The following SLTM variants were observed in gnomAD, a reference collection of about 807,000 sequenced individuals.
SLTM encodes SAFB-like transcription modulator.
A neutral mutation model predicts 134.6 loss-of-function variants in SLTM; 43 were observed. The observed-to-expected ratio is 0.32, with a 90% CI of 0.25 to 0.41. The LOEUF (loss-of-function observed/expected upper bound fraction) is 0.41, where lower values mean the gene tolerates loss of function less well. Ranked by LOEUF, SLTM falls within the 10% of genes least tolerant of loss-of-function variation. The pLI is 1.00. For synonymous variants in SLTM, 424 were observed against 432.3 expected (o/e 0.98, Z 0.24); for missense variants, 1,055 against 1,288.8 (o/e 0.82, Z 2.78).
intron 20 of SLTM, among the ~76,000 whole-genome samples, chr15:58,880,544 CTTTG>C (rs1393298950): frequency 2.0e-5 from 3 of 151,976 alleles, no homozygotes; most frequent in African/African-American, 4.8e-5. Flanking sequence ...CTGTGCTTTT[CTTTG>C]TTTGTTCTTT....
At chr15:58,894,902 G>A (rs1024922838) in intron 9 of SLTM, among the ~76,000 whole-genome samples, 3 of 151,892 alleles carry the variant, frequency 2.0e-5, no homozygotes, top group Admixed American at 1.3e-4. Context: ...ATAGGGTTTT[G>A]CCATGTTGGC....
intron 5 of SLTM, among the ~76,000 whole-genome samples, chr15:58,903,830 G>A (rs1242598010): frequency 2.0e-5 from 3 of 151,856 alleles, no homozygotes; most frequent in Admixed American, 6.6e-5. Flanking sequence ...AGTGAAAAAA[G>A]ACGAAAAAAA....
chr15:58,908,874 G>C (rs1248014265), intron 5 of SLTM, among the ~76,000 whole-genome samples: 6 of 152,132 alleles, frequency 3.9e-5, no homozygotes, highest in Non-Finnish European at 8.8e-5. Context: ...GGTAGTGTTG[G>C]TATTATCATT....
rs2141025324 is a variant in SLTM, at chr15:58,899,296, T to C, written c.1058+173A>G. The C allele has an allele frequency of 3.3e-6, 2 of 604,286 alleles. No homozygotes were observed. The highest frequency in any genetic ancestry group is 5.8e-6 in the Non-Finnish European group (2 of 346,054). The allele number at this position is 604,286 out of a possible 1,614,324, so 37.4% of individuals were successfully genotyped here. On this transcript the variant is annotated intron_variant, in intron 7 of 20. Coordinates refer to ENST00000380516, the MANE Select transcript of SLTM (RefSeq NM_024755.4). The surrounding 1 kb of genome is among the most constrained non-coding windows in gnomAD (Gnocchi z 5.0). ...GCAATCAGTAGAACACACTGCATTA[T>C]TATGAAGATCTTGAAAATTTTTAAA... is the stretch of plus-strand genomic sequence containing the variant.
intron 20 of SLTM, among the ~76,000 whole-genome samples, chr15:58,882,488 T>C (rs2033820816): frequency 2.0e-5 from 3 of 152,024 alleles, no homozygotes; most frequent in African/African-American, 7.2e-5. Flanking sequence ...AGAAAGAAAA[T>C]GATGGTGCCC....
At chr15:58,932,487 A>T (rs760163172) in intron 1 of SLTM, 44 bp from the exon 2 acceptor site, 1 of 1,394,444 alleles carries the variant, frequency 7.2e-7, no homozygotes, top group South Asian at 1.2e-5. Flanking sequence ...ATCTATCTAA[A>T]CTTATTTTAT....
Position 58,886,995 on chromosome 15 carries a change from C to G in SLTM, c.2815G>C (p.Asp939His), listed in dbSNP as rs1013216941. Residue 939 changes from aspartate to histidine, a missense_variant, in exon 19 of 21, where the codon GAC becomes CAC. This residue lies in a region of SLTM where 776 missense variants were observed against 962.2 expected (regional missense o/e 0.81). Coordinates refer to ENST00000380516, the MANE Select transcript of SLTM (RefSeq NM_024755.4). ...CTTACCTGTGATCCACCTCCTCGGT[C>G]TGTGATGACTCCTCTGTCTCCCTCT... is the stretch of plus-strand genomic sequence containing the variant. Reference protein sequence around the residue: ...SREGDRGVITDRGGGSQHYPE... With the variant: ...SREGDRGVITHRGGGSQHYPE... 1 of 1,612,620 alleles carries G rather than the reference C, an allele frequency of 6.2e-7. No homozygotes were observed. Among genetic ancestry groups the G allele is most frequent in the Non-Finnish European group, 8.5e-7 (1 of 1,180,022 alleles).
Position 58,899,456 on chromosome 15 carries a change from T to A in SLTM, c.1058+13A>T. Reference sequence around the variant, plus strand: ...AATTCAGTATCGTAAAGAACTGACATAGAAAAACAAACCTCTTTGCTTGAC... The same window carrying A: ...AATTCAGTATCGTAAAGAACTGACAAAGAAAAACAAACCTCTTTGCTTGAC... On this transcript the variant is annotated intron_variant, in intron 7 of 20. Coordinates refer to ENST00000380516, the MANE Select transcript of SLTM (RefSeq NM_024755.4). This position sits in a 1 kb window ranked among gnomAD's most constrained non-coding sequence, Gnocchi z 5.0. 1 of 1,608,940 alleles carries A rather than the reference T, an allele frequency of 6.2e-7. No individual in the cohort carries two copies. Among genetic ancestry groups the A allele is most frequent in the Non-Finnish European group, 8.5e-7 (1 of 1,175,926 alleles).
At position 58,892,918 on chromosome 15, in the gene SLTM, C is replaced by T. The variant is rs1043143081; in HGVS notation, c.1877G>A (p.Arg626Gln). ...CTACCTTCGAAGTTCCATTGCTCGT[C>T]GCAGCCTTTCAAAACGAACTAAATG... ...REHLVRFERL[R>Q]RAMELRRRRE... Residue 626 changes from arginine to glutamine, a missense_variant, in exon 14 of 21, where the codon CGA (arginine) becomes CAA (glutamine). Arg to Gln is a conservative substitution (Grantham distance 43). This residue lies in a region of SLTM where 776 missense variants were observed against 962.2 expected (regional missense o/e 0.81). Coordinates refer to ENST00000380516, the MANE Select transcript of SLTM (RefSeq NM_024755.4). The T allele has an allele frequency of 1.9e-6, 3 of 1,613,234 alleles. No individual in the cohort carries two copies. Among genetic ancestry groups the T allele is most frequent in the Non-Finnish European group, 2.5e-6 (3 of 1,179,752 alleles).
chr15:58,902,389 GT>G (rs11380812), intron 5 of SLTM, among the ~76,000 whole-genome samples: 1,837 of 142,780 alleles, frequency 0.013, 46 homozygotes, highest in African/African-American at 0.045. Context: ...TGTTTTGATT[GT>G]TTTTTTTTTT....
At chr15:58,922,683 A>G (rs1325612735) in intron 2 of SLTM, among the ~76,000 whole-genome samples, 3 of 147,956 alleles carry the variant, frequency 2.0e-5, no homozygotes, top group Non-Finnish European at 1.5e-5. Context: ...AATATATAAT[A>G]TAAAACCGAT....
chr15:58,893,782 G>A (rs749875005), intron 12 of SLTM, 39 bp downstream of exon 12: 7 of 1,561,072 alleles, frequency 4.5e-6, no homozygotes, highest in Non-Finnish European at 6.0e-6. Flanking sequence ...TTAAGTAGTA[G>A]AATGCATTAG....
intron 2 of SLTM, among the ~76,000 whole-genome samples, chr15:58,925,115 G>C (rs1276231150): frequency 6.8e-6 from 1 of 146,256 alleles, no homozygotes; most frequent in Non-Finnish European, 1.5e-5. Context: ...AATTTCTGTT[G>C]CAAGGGAGGG....
chr15:58,885,303 A>G (rs2034089800), intron 19 of SLTM, among the ~76,000 whole-genome samples: 1 of 152,216 alleles, frequency 6.6e-6, no homozygotes, highest in Non-Finnish European at 1.5e-5. Flanking sequence ...GTACCCACAG[A>G]GAGGCTTAGA....
intron 2 of SLTM, among the ~76,000 whole-genome samples, chr15:58,917,677 C>T (rs765149917): frequency 2.0e-5 from 3 of 152,088 alleles, no homozygotes; most frequent in Non-Finnish European, 4.4e-5. Context: ...AATAGCTTTC[C>T]GACAAACTAC....
At chr15:58,913,839 AT>A in intron 3 of SLTM, 143 bp from the exon 4 acceptor site, 1 of 614,108 alleles carries the variant, frequency 1.6e-6, no homozygotes, top group Non-Finnish European at 2.8e-6. Flanking sequence ...TTTACCTTAT[AT>A]ATTTACTGTG....
intron 5 of SLTM, among the ~76,000 whole-genome samples, chr15:58,901,639 T>C (rs1422821184): frequency 1.3e-5 from 2 of 152,196 alleles, no homozygotes; most frequent in East Asian, 3.8e-4. Context: ...CGTCACTCAG[T>C]TCACAGGTAC....
chr15:58,885,348 T>A (rs1346184462), intron 19 of SLTM, among the ~76,000 whole-genome samples: 1 of 152,052 alleles, frequency 6.6e-6, no homozygotes, highest in Non-Finnish European at 1.5e-5. Context: ...AGACTAACAT[T>A]ATGAAAAAGA....
chr15:58,886,951 C>T (rs746298340), intron 19 of SLTM, 24 bp downstream of exon 19: 43 of 1,611,570 alleles, frequency 2.7e-5, no homozygotes, highest in Non-Finnish European at 3.2e-5. Context: ...TGCAGGCTCG[C>T]GGCAAGCCTC....
Sources: allele counts gnomAD v4.1 joint callset (sites outside exome capture counted in the v4.1 genomes callset), GRCh38; gene constraint gnomAD v4.1.1; regional missense constraint gnomAD v4.1.1; non-coding constraint Gnocchi (gnomAD v3.1); transcripts MANE v1.5; gene names NCBI Gene and HGNC (gene_info 2026-07-23, HGNC 2026-07-21).